The following SHC3 variants were observed in gnomAD, a reference collection of about 807,000 sequenced individuals.
SHC3 encodes the protein SHC-transforming protein 3.
A neutral mutation model predicts 60.4 loss-of-function variants in SHC3; 15 were observed. That is an observed-to-expected ratio of 0.25 (90% confidence interval 0.17 to 0.38). The LOEUF is 0.38. SHC3 is among the 10% of genes least tolerant of loss of function. The pLI is 1.00. For missense variants in SHC3, 677 were observed against 786.1 expected, an observed-to-expected ratio of 0.86 and a Z score of 1.66; for synonymous variants, 294 against 325.9, an observed-to-expected ratio of 0.90 and a Z score of 1.05.
chr9:89,051,127 T>C (rs147061643), intron 7 of SHC3, among the ~76,000 whole-genome samples: 351 of 152,276 alleles, frequency 2.3e-3, no homozygotes, highest in African/African-American at 7.9e-3. Context: ...TTCATAATCA[T>C]AAGAACAAAG....
At chr9:89,075,286 T>A in intron 3 of SHC3, 58 bp from the exon 4 acceptor site, 1 of 1,591,620 alleles carries the variant, frequency 6.3e-7, no homozygotes, top group South Asian at 1.2e-5. Context: ...AGGGTGGGGA[T>A]GTGGATGCCT....
rs1282516915 is a variant in SHC3, at chr9:89,099,430, TCA to T, written c.545+13124_545+13125del. On this transcript the variant is annotated intron_variant, in intron 2 of 11. Coordinates refer to ENST00000375835, the MANE Select transcript of SHC3 (RefSeq NM_016848.6). ...CACGTTTGTGCTTTTCTATGGAATA[TCA>T]TCCTCTGAGCCATCAAGAATGTAGG... Among the ~76,000 whole-genome samples, 16 of 152,348 alleles carry T rather than the reference TCA, an allele frequency of 1.1e-4. 1 individual carries two copies. The highest frequency in any genetic ancestry group is 6.8e-3 in the Middle Eastern group (2 of 294).
At chr9:89,074,031 A>C (rs1407191454) in intron 4 of SHC3, among the ~76,000 whole-genome samples, 1 of 152,238 alleles carries the variant, frequency 6.6e-6, no homozygotes, top group Non-Finnish European at 1.5e-5. Flanking sequence ...TGAGGACAAA[A>C]GGAGGCAGTG....
intron 1 of SHC3, among the ~76,000 whole-genome samples, chr9:89,142,038 C>T (rs1826400977): frequency 6.6e-6 from 1 of 152,158 alleles, no homozygotes; most frequent in Non-Finnish European, 1.5e-5. Context: ...CATGTCCCTT[C>T]ATCCTGTACA....
At position 89,007,797 on chromosome 9, in the gene SHC3, C is replaced by T. The variant is rs1564068361; in HGVS notation, c.*5650G>A. 1 of 152,402 alleles carries T rather than the reference C, an allele frequency of 6.6e-6. No individual in the cohort carries two copies. Among genetic ancestry groups the T allele is most frequent in the Non-Finnish European group, 1.5e-5 (1 of 68,172 alleles). The allele number at this position is 152,402 out of a possible 1,614,324, so 9.4% of individuals were successfully genotyped here. ...CCCCACTGGCTTCTCTGTCATTTCC[C>T]ACAGTGGGTTCCCCCAATCCCTGTG... On this transcript the variant is annotated 3_prime_UTR_variant, in exon 12 of 12. Coordinates refer to ENST00000375835, the MANE Select transcript of SHC3 (RefSeq NM_016848.6).
intron 1 of SHC3, among the ~76,000 whole-genome samples, chr9:89,167,224 A>G (rs1309086909): frequency 1.3e-5 from 2 of 152,138 alleles, no homozygotes; most frequent in African/African-American, 4.8e-5. Flanking sequence ...TTCTCCTCTC[A>G]CCTGAGTTAA....
In SHC3 at chr9:89,053,936, G is replaced by A. The variant is rs969026319; in HGVS notation, c.836-1773C>T. ...ACCTGTCCTGTGCCACGCCCCTCCC[G>A]GCCCTGCTGTCCAGCATCAGCACCA... On this transcript the variant is annotated intron_variant, in intron 6 of 11. Coordinates refer to ENST00000375835, the MANE Select transcript of SHC3 (RefSeq NM_016848.6). 5.3e-5 allele frequency among the ~76,000 whole-genome samples: 8 copies of A among 152,194 alleles called. No individual in the cohort carries two copies. In the South Asian group the frequency reaches 8.3e-4, roughly 16 times the overall value.
At chr9:89,088,461 T>C (rs2118045304) in intron 2 of SHC3, 1 of 152,350 alleles carries the variant, frequency 6.6e-6, no homozygotes, top group South Asian at 2.1e-4. Context: ...TCTCCAGCCT[T>C]GGTCACTCAT....
At chr9:89,078,623 C>A (rs1319287444) in intron 2 of SHC3, among the ~76,000 whole-genome samples, 6 of 151,910 alleles carry the variant, frequency 3.9e-5, no homozygotes, top group Non-Finnish European at 7.4e-5. Flanking sequence ...CAGGAGGACC[C>A]CAGAGGGTGA....
chr9:89,177,520 G>T (rs887638129), intron 1 of SHC3, among the ~76,000 whole-genome samples: 1 of 152,184 alleles, frequency 6.6e-6, no homozygotes, highest in Non-Finnish European at 1.5e-5. Context: ...TTCTTGCTGC[G>T]GGGGGCAACA....
chr9:89,167,584 T>C (rs905264938), intron 1 of SHC3, among the ~76,000 whole-genome samples: 10 of 152,366 alleles, frequency 6.6e-5, no homozygotes, highest in Non-Finnish European at 1.5e-4. Flanking sequence ...CGTGACCTTC[T>C]GTTCTCAGCC....
In SHC3 at chr9:89,028,647, A is replaced by G. The variant is rs1206392270; in HGVS notation, c.1656+9346T>C. ...ATTATCTCTCTATATAGATATCTAT[A>G]TAGAATATATATAGATATAGCTATC... On this transcript the variant is annotated intron_variant, in intron 11 of 11. Coordinates refer to ENST00000375835, the MANE Select transcript of SHC3 (RefSeq NM_016848.6). Among the ~76,000 whole-genome samples the G allele has an allele frequency of 2.0e-5, 3 of 146,766 alleles. No individual in the cohort carries two copies. The South Asian group carries it at 6.3e-4, about 31-fold the overall frequency.
In SHC3 at chr9:89,064,260, G is replaced by A. The variant is rs188596587; in HGVS notation, c.835+1269C>T. ...ACGTGAATATTCAGTCCATAAGAGG[G>A]CCCCTGTGTTGGTGGTGCCCTCAAG... On this transcript the variant is annotated intron_variant, in intron 6 of 11. Transcript: ENST00000375835. Among the ~76,000 whole-genome samples, 4 of 152,268 alleles carry A rather than the reference G, an allele frequency of 2.6e-5. No individual in the cohort carries two copies. In the East Asian group the frequency reaches 7.7e-4, roughly 29 times the overall value.
intron 2 of SHC3, among the ~76,000 whole-genome samples, chr9:89,111,323 C>G (rs1246387684): frequency 6.6e-6 from 1 of 152,216 alleles, no homozygotes; most frequent in Non-Finnish European, 1.5e-5. Flanking sequence ...CCATATTCCT[C>G]CAGTCACTGG....
intron 1 of SHC3, among the ~76,000 whole-genome samples, chr9:89,164,974 G>A (rs1434347760): frequency 6.6e-6 from 1 of 152,058 alleles, no homozygotes; most frequent in Non-Finnish European, 1.5e-5. Flanking sequence ...CTCTCCAAGT[G>A]GAAAGATGAA....
chr9:89,014,645 A>C (rs938733578), intron 11 of SHC3, among the ~76,000 whole-genome samples: 5 of 151,630 alleles, frequency 3.3e-5, no homozygotes, highest in Non-Finnish European at 5.9e-5. Flanking sequence ...TCCTGCAGGG[A>C]CTCCTGAGGC....
intron 6 of SHC3, among the ~76,000 whole-genome samples, chr9:89,059,624 G>A (rs1825035360): frequency 7.2e-6 from 1 of 138,504 alleles, no homozygotes; most frequent in Non-Finnish European, 1.5e-5. Context: ...GGCGGTGGTG[G>A]AGGACGTGGT....
intron 1 of SHC3, among the ~76,000 whole-genome samples, chr9:89,124,626 G>A (rs1011317734): frequency 7.2e-5 from 11 of 152,102 alleles, no homozygotes; most frequent in African/African-American, 2.4e-4. Context: ...TCATAAGTGG[G>A]AGTTGAACAA....
At chr9:89,015,250 C>G (rs771554574) in intron 11 of SHC3, among the ~76,000 whole-genome samples, 15 of 152,222 alleles carry the variant, frequency 9.9e-5, no homozygotes, top group Non-Finnish European at 1.8e-4. Flanking sequence ...GTTGCCTTAA[C>G]ATTGACTCCT....
Sources: allele counts gnomAD v4.1 joint callset (sites outside exome capture counted in the v4.1 genomes callset), GRCh38; gene constraint gnomAD v4.1.1; transcripts MANE v1.5; gene names NCBI Gene and HGNC (gene_info 2026-07-23, HGNC 2026-07-21).